HCN1: variants seen among roughly 807,000 people sequenced by gnomAD.
HCN1 encodes potassium/sodium hyperpolarization-activated cyclic nucleotide-gated channel 1.
A neutral mutation model predicts 78.9 loss-of-function variants in HCN1; 13 were observed. That is an observed-to-expected ratio of 0.16 (90% confidence interval 0.11 to 0.26). The LOEUF (loss-of-function observed/expected upper bound fraction) is 0.26, where lower values mean the gene tolerates loss of function less well. Ranked by LOEUF, HCN1 falls within the 10% of genes least tolerant of loss-of-function variation. The pLI, the probability that HCN1 is intolerant of heterozygous loss-of-function variation, is 1.00. For synonymous variants in HCN1, 552 were observed against 455.5 expected (o/e 1.21, Z -2.70); for missense variants, 810 against 1,154.3 (o/e 0.70, Z 4.32).
At chr5:45,350,783 A>G (rs567688326) in intron 5 of HCN1, among the ~76,000 whole-genome samples, 30 of 152,200 alleles carry the variant, frequency 2.0e-4, no homozygotes, top group Middle Eastern at 6.8e-3. Context: ...CAATTGCTTC[A>G]AAGAGAATAA....
In HCN1 at chr5:45,268,481, T is replaced by G. The variant is rs575339434; in HGVS notation, c.1619-1228A>C. On this transcript the variant is annotated intron_variant, in intron 6 of 7. Coordinates refer to ENST00000303230, the MANE Select transcript of HCN1 (RefSeq NM_021072.4). The stretch of plus-strand genomic sequence containing the variant: ...ATAAATATAATATTAAATGTCTAAA[T>G]TCACACTCGAGCTAATTTAAAGAAG... Among the ~76,000 whole-genome samples, 17 of 152,320 alleles carry G rather than the reference T, an allele frequency of 1.1e-4. No homozygotes were observed. The South Asian group carries it at 3.5e-3, about 32-fold the overall frequency.
intron 2 of HCN1, among the ~76,000 whole-genome samples, chr5:45,549,826 A>T (rs999596229): frequency 5.3e-5 from 8 of 152,186 alleles, no homozygotes; most frequent in Admixed American, 3.9e-4. Context: ...CCCCATCAAA[A>T]AGTGGGCGAA....
At position 45,257,769 on chromosome 5, in the gene HCN1, A is replaced by G. The variant is rs1422729604; in HGVS notation, c.*4152T>C. 1 of 152,048 alleles carries G rather than the reference A, an allele frequency of 6.6e-6. No homozygotes were observed. The highest frequency in any genetic ancestry group is 6.5e-5 in the Admixed American group (1 of 15,276). 9.4% of individuals were successfully genotyped at this position (152,048 alleles called of 1,614,324 possible). ...ATCTTTCAAAGAAAATTTCTATCCT[A>G]TTTTTCCTTGAAAATAACCATATTG... is the stretch of plus-strand genomic sequence containing the variant. On this transcript the variant is annotated 3_prime_UTR_variant, in exon 8 of 8. Coordinates refer to ENST00000303230, the MANE Select transcript of HCN1 (RefSeq NM_021072.4).
intron 5 of HCN1, among the ~76,000 whole-genome samples, chr5:45,338,073 G>A (rs1308381246): frequency 1.3e-5 from 2 of 151,958 alleles, no homozygotes; most frequent in African/African-American, 2.4e-5. Context: ...TTACATCTTC[G>A]GGCTTCACAG....
At chr5:45,549,792 A>G (rs1354233707) in intron 2 of HCN1, among the ~76,000 whole-genome samples, 2 of 152,162 alleles carry the variant, frequency 1.3e-5, no homozygotes, top group Non-Finnish European at 2.9e-5. Flanking sequence ...AACTCAAACA[A>G]ATTTACAAGA....
intron 2 of HCN1, chr5:45,575,149 G>T (rs1022920927): frequency 6.6e-6 from 1 of 152,066 alleles, no homozygotes; most frequent in African/African-American, 2.4e-5. Context: ...TTCTATTGGA[G>T]GAAAATGCCA....
At chr5:45,318,056 C>G (rs1281907877) in intron 5 of HCN1, among the ~76,000 whole-genome samples, 1 of 152,140 alleles carries the variant, frequency 6.6e-6, no homozygotes, top group East Asian at 1.9e-4. Context: ...CCAGCCATCC[C>G]ATTATTGGGT....
chr5:45,294,788 A>T (rs888457593), intron 6 of HCN1, among the ~76,000 whole-genome samples: 2 of 152,064 alleles, frequency 1.3e-5, no homozygotes, highest in Non-Finnish European at 2.9e-5. Flanking sequence ...ATTAAATAAA[A>T]GGGCCATGGA....
intron 2 of HCN1, among the ~76,000 whole-genome samples, chr5:45,481,391 A>AT (rs1359014899): frequency 6.6e-6 from 1 of 152,132 alleles, no homozygotes; most frequent in Non-Finnish European, 1.5e-5. Context: ...GCTCCTTTGC[A>AT]TTTTTTCATG....
chr5:45,627,179 C>A (rs1036436875), intron 2 of HCN1, among the ~76,000 whole-genome samples: 8 of 152,098 alleles, frequency 5.3e-5, no homozygotes, highest in South Asian at 2.1e-4. Flanking sequence ...TCATCTTGTT[C>A]TTTCTGTCTA....
At chr5:45,632,774 C>A (rs1471243513) in intron 2 of HCN1, among the ~76,000 whole-genome samples, 2 of 151,980 alleles carry the variant, frequency 1.3e-5, no homozygotes, top group East Asian at 1.9e-4. Flanking sequence ...TACATGGATT[C>A]TCTGACAATA....
At chr5:45,531,729 T>C (rs1449315298) in intron 2 of HCN1, among the ~76,000 whole-genome samples, 3 of 152,144 alleles carry the variant, frequency 2.0e-5, no homozygotes, top group African/African-American at 7.2e-5. Context: ...ACTTTTTTTT[T>C]CAAATATGTT....
intron 2 of HCN1, among the ~76,000 whole-genome samples, chr5:45,611,829 T>C (rs1190873805): frequency 6.6e-6 from 1 of 152,022 alleles, no homozygotes; most frequent in Non-Finnish European, 1.5e-5. Flanking sequence ...TTTAAGAAAA[T>C]TATCATGGAA....
At chr5:45,377,759 TATAAATAC>T (rs1747713817) in intron 4 of HCN1, among the ~76,000 whole-genome samples, 1 of 152,060 alleles carries the variant, frequency 6.6e-6, no homozygotes, top group Admixed American at 6.6e-5. Flanking sequence ...TGGGTGTTAC[TATAAATAC>T]ATAAGACTAT....
chr5:45,550,800 G>A (rs1194381372), intron 2 of HCN1, among the ~76,000 whole-genome samples: 1 of 151,962 alleles, frequency 6.6e-6, no homozygotes, highest in Admixed American at 6.6e-5. Flanking sequence ...CATTGTGGTA[G>A]CAACAATAAA....
chr5:45,598,981 T>C (rs1303283682), intron 2 of HCN1, among the ~76,000 whole-genome samples: 2 of 152,184 alleles, frequency 1.3e-5, no homozygotes, highest in Non-Finnish European at 2.9e-5. Flanking sequence ...ATAAATTAGT[T>C]CAACCATTGT....
intron 2 of HCN1, among the ~76,000 whole-genome samples, chr5:45,586,525 A>C (rs958754952): frequency 2.6e-5 from 4 of 152,052 alleles, no homozygotes; most frequent in Admixed American, 6.5e-5. Flanking sequence ...CACTGCACCC[A>C]CTGTCCTGCA....
chr5:45,334,532 T>C (rs1035574107), intron 5 of HCN1, among the ~76,000 whole-genome samples: 1 of 151,950 alleles, frequency 6.6e-6, no homozygotes, highest in African/African-American at 2.4e-5. Context: ...TCTTATACTT[T>C]TTTCCCATGT....
At position 45,593,903 on chromosome 5, in the gene HCN1, T is replaced by C. The variant is rs1423368406; in HGVS notation, c.849+51282A>G. 3.9e-5 allele frequency among the ~76,000 whole-genome samples: 6 copies of C among 152,210 alleles called. No homozygotes were observed. In the East Asian group the frequency reaches 1.2e-3, roughly 30 times the overall value. On this transcript the variant is annotated intron_variant, in intron 2 of 7. Transcript: ENST00000303230. ...GTTGGTCAGGCTAGTCCCAAACTCC[T>C]GACTTCAAATGATCCACCTGCTTCA...
Sources: allele counts gnomAD v4.1 joint callset (sites outside exome capture counted in the v4.1 genomes callset), GRCh38; gene constraint gnomAD v4.1.1; transcripts MANE v1.5; gene names NCBI Gene and HGNC (gene_info 2026-07-23, HGNC 2026-07-21).